The following UBE2E2 variants were observed in gnomAD, a reference collection of about 807,000 sequenced individuals.
The protein encoded by UBE2E2 is ubiquitin-conjugating enzyme E2 E2.
Under a neutral mutation model 24.7 loss-of-function variants are expected in UBE2E2, and 6 were observed. The ratio of observed to expected loss-of-function variants is 0.24; its 90% CI spans 0.13 to 0.48. The LOEUF is 0.48. Ranked by LOEUF, UBE2E2 falls within the 20% of genes least tolerant of loss-of-function variation. UBE2E2 has a pLI of 0.99. For missense variants in UBE2E2, 169 were observed against 245.0 expected (o/e 0.69, Z 2.07); for synonymous variants, 104 against 83.6 (o/e 1.24, Z -1.33).
At chr3:23,241,668 G>A (rs906884563) in intron 3 of UBE2E2, among the ~76,000 whole-genome samples, 1 of 151,876 alleles carries the variant, frequency 6.6e-6, no homozygotes, top group Non-Finnish European at 1.5e-5. Flanking sequence ...CTTTCCGTAG[G>A]AGTTAACACC....
chr3:23,587,491 C>G (rs1372496850), intron 5 of UBE2E2, among the ~76,000 whole-genome samples: 1 of 152,188 alleles, frequency 6.6e-6, no homozygotes, highest in African/African-American at 2.4e-5. Flanking sequence ...ATGTGTTTCA[C>G]TAATATAAGT....
At chr3:23,343,100 G>GTA (rs34339205) in intron 3 of UBE2E2, among the ~76,000 whole-genome samples, 82,365 of 150,690 alleles carry the variant, frequency 0.55, 22,667 homozygotes, top group Admixed American at 0.65. Flanking sequence ...ATATTAGTAT[G>GTA]TATATATATA....
intron 3 of UBE2E2, among the ~76,000 whole-genome samples, chr3:23,353,445 T>C (rs1695827546): frequency 6.6e-6 from 1 of 152,310 alleles, no homozygotes; most frequent in Admixed American, 6.5e-5. Flanking sequence ...GAAGTCAAAT[T>C]GTCCCTGTTT....
At chr3:23,484,761 C>A (rs1699326670) in intron 3 of UBE2E2, among the ~76,000 whole-genome samples, 1 of 152,192 alleles carries the variant, frequency 6.6e-6, no homozygotes, top group Admixed American at 6.5e-5. Context: ...GCAGGTCTTA[C>A]ATGGTGGCAG....
At chr3:23,425,655 A>T (rs1414301364) in intron 3 of UBE2E2, among the ~76,000 whole-genome samples, 2 of 152,136 alleles carry the variant, frequency 1.3e-5, no homozygotes, top group Non-Finnish European at 1.5e-5. Context: ...GAAAACCTGA[A>T]CTGCAATTGA....
At chr3:23,535,892 A>G (rs1386193832) in intron 5 of UBE2E2, among the ~76,000 whole-genome samples, 1 of 152,142 alleles carries the variant, frequency 6.6e-6, no homozygotes, top group African/African-American at 2.4e-5. Flanking sequence ...AAGTGCTGGG[A>G]TGACAGGCGT....
intron 3 of UBE2E2, among the ~76,000 whole-genome samples, chr3:23,327,385 A>G (rs1044344867): frequency 2.6e-5 from 4 of 152,164 alleles, no homozygotes; most frequent in Non-Finnish European, 5.9e-5. Context: ...GTGAGATGAT[A>G]TCTCATTGTG....
chr3:23,323,994 A>T (rs1435930851), intron 3 of UBE2E2, among the ~76,000 whole-genome samples: 4 of 152,194 alleles, frequency 2.6e-5, no homozygotes, highest in Non-Finnish European at 4.4e-5. Flanking sequence ...AAGTAAATGA[A>T]TGAACAAATG....
At position 23,221,944 on chromosome 3, in the gene UBE2E2, T is replaced by C. The variant is rs139776337; in HGVS notation, c.227+4632T>C. On this transcript the variant is annotated intron_variant, in intron 3 of 5. Transcript: ENST00000396703. ...CATGATTTACCATCTTTACCATTTT[T>C]AGTGTAAAGTTCAGTGAATATACAT... 2.3e-3 allele frequency among the ~76,000 whole-genome samples: 357 copies of C among 152,342 alleles called. 3 individuals are homozygous for C. The highest frequency in any genetic ancestry group is 8.2e-3 in the African/African-American group (341 of 41,578).
At chr3:23,412,646 T>C (rs979186430) in intron 3 of UBE2E2, among the ~76,000 whole-genome samples, 2 of 152,194 alleles carry the variant, frequency 1.3e-5, no homozygotes, top group Non-Finnish European at 2.9e-5. Context: ...ATTATTACCT[T>C]AGTTAAGAGT....
chr3:23,561,084 T>C (rs1432840977), intron 5 of UBE2E2, among the ~76,000 whole-genome samples: 6 of 152,190 alleles, frequency 3.9e-5, no homozygotes, highest in Non-Finnish European at 7.3e-5. Context: ...TAGATCCCAT[T>C]TGTCAATTTT....
intron 3 of UBE2E2, among the ~76,000 whole-genome samples, chr3:23,329,252 ACAAG>A (rs1374810851): frequency 6.6e-6 from 1 of 152,218 alleles, no homozygotes; most frequent in Non-Finnish European, 1.5e-5. Context: ...AGTTTCTAAC[ACAAG>A]CAAGGCTCCC....
At chr3:23,265,347 C>G (rs896453867) in intron 3 of UBE2E2, among the ~76,000 whole-genome samples, 1 of 152,094 alleles carries the variant, frequency 6.6e-6, no homozygotes, top group Non-Finnish European at 1.5e-5. Flanking sequence ...CTCACCCTCC[C>G]CACATGGTAG....
chr3:23,501,022 C>T (rs1302055079), intron 4 of UBE2E2, among the ~76,000 whole-genome samples: 1 of 152,078 alleles, frequency 6.6e-6, no homozygotes, highest in Non-Finnish European at 1.5e-5. Flanking sequence ...AAATCTAATA[C>T]TTATCTTCTC....
At chr3:23,545,873 G>A (rs1695511468) in intron 5 of UBE2E2, among the ~76,000 whole-genome samples, 1 of 152,170 alleles carries the variant, frequency 6.6e-6, no homozygotes, top group South Asian at 2.1e-4. Context: ...CTTGGATAGA[G>A]CTGGAAGCCT....
intron 3 of UBE2E2, among the ~76,000 whole-genome samples, chr3:23,281,347 C>T (rs530854794): frequency 4.2e-4 from 64 of 152,278 alleles, no homozygotes; most frequent in African/African-American, 1.4e-3. Flanking sequence ...AAAGAAATAA[C>T]GTGGCTGGGC....
intron 3 of UBE2E2, among the ~76,000 whole-genome samples, chr3:23,317,914 C>T (rs531373947): frequency 1.3e-4 from 20 of 151,776 alleles, no homozygotes; most frequent in Non-Finnish European, 2.4e-4. Context: ...GTACTGTGAT[C>T]GCTCACCTGA....
At chr3:23,296,316 A>C (rs1301710906) in intron 3 of UBE2E2, among the ~76,000 whole-genome samples, 2 of 151,780 alleles carry the variant, frequency 1.3e-5, no homozygotes, top group Admixed American at 1.3e-4. Context: ...CTTTTTTTTA[A>C]ATTTTATTAT....
chr3:23,450,044 A>G (rs1698527852), intron 3 of UBE2E2: 1 of 488,856 alleles, frequency 2.0e-6, no homozygotes, highest in African/African-American at 2.1e-5. Context: ...ATTGGTGGCC[A>G]TTTGTCTGTT....
Sources: allele counts gnomAD v4.1 joint callset (sites outside exome capture counted in the v4.1 genomes callset), GRCh38; gene constraint gnomAD v4.1.1; transcripts MANE v1.5; gene names NCBI Gene and HGNC (gene_info 2026-07-23, HGNC 2026-07-21).